LIMA1: variants seen among roughly 807,000 people sequenced by gnomAD.
LIMA1 encodes the protein LIM domain and actin-binding protein 1.
LIMA1 carries 52 observed loss-of-function variants against 62.6 expected under a neutral mutation model. The observed-to-expected ratio is 0.83, with a 90% CI of 0.67 to 1.05. The LOEUF (loss-of-function observed/expected upper bound fraction) is 1.05, where lower values mean the gene tolerates loss of function less well. LIMA1 is among the 50% of genes least tolerant of loss of function. The probability of loss-of-function intolerance (pLI) is 0.00; values close to 1 mark genes in which losing one functional copy is unlikely to be tolerated. For synonymous variants in LIMA1, 302 were observed against 317.8 expected, an observed-to-expected ratio of 0.95 and a Z score of 0.53; for missense variants, 780 against 902.2, an observed-to-expected ratio of 0.86 and a Z score of 1.74.
chr12:50,187,703 G>C (rs1254210973), intron 9 of LIMA1: 1 of 152,182 alleles, frequency 6.6e-6, no homozygotes, highest in Non-Finnish European at 1.5e-5. Context: ...GGTACCGAGA[G>C]GGGCAGTGCA....
chr12:50,194,296 T>C (rs771069198), intron 8 of LIMA1, among the ~76,000 whole-genome samples: 1 of 140,002 alleles, frequency 7.1e-6, no homozygotes, highest in Non-Finnish European at 1.5e-5. Flanking sequence ...GCCAGCAACA[T>C]ATATATATAT....
chr12:50,193,650 G>GTGTATATATA (rs1347784875), intron 8 of LIMA1, among the ~76,000 whole-genome samples: 4 of 64,316 alleles, frequency 6.2e-5, no homozygotes, highest in African/African-American at 2.5e-4. Context: ...GTGTGTGTGT[G>GTGTATATATA]TATATATATA....
At chr12:50,272,877 C>G (rs1163442760) in intron 1 of LIMA1, among the ~76,000 whole-genome samples, 1 of 151,314 alleles carries the variant, frequency 6.6e-6, no homozygotes, top group African/African-American at 2.4e-5. Flanking sequence ...GAAACCCCTT[C>G]TCTACTAAAA....
chr12:50,246,867 C>A lies in LIMA1; in HGVS notation c.119+1766G>T, dbSNP rs370656563. ...CTCCACAAGTCCATCCCTTCCACTACCAGTGCTTCTTAAACTTCCCTGAAG... is the reference window on the plus strand; with the variant it reads ...CTCCACAAGTCCATCCCTTCCACTAACAGTGCTTCTTAAACTTCCCTGAAG... On this transcript the variant is annotated intron_variant, in intron 2 of 10. Coordinates refer to ENST00000341247, the MANE Select transcript of LIMA1 (RefSeq NM_016357.5). Among the ~76,000 whole-genome samples the A allele has an allele frequency of 1.1e-3, 171 of 152,350 alleles. 1 individual carries two copies. The highest frequency in any genetic ancestry group is 2.3e-3 in the South Asian group (11 of 4,826).
chr12:50,197,376 CTT>C (rs764758575), intron 7 of LIMA1, among the ~76,000 whole-genome samples: 8 of 144,176 alleles, frequency 5.5e-5, no homozygotes, highest in Admixed American at 7.0e-5. Flanking sequence ...GGCACATGTC[CTT>C]TTTTTTTTTT....
intron 4 of LIMA1, among the ~76,000 whole-genome samples, chr12:50,214,666 T>TGTG (rs2138526293): frequency 6.6e-6 from 1 of 152,230 alleles, no homozygotes; most frequent in South Asian, 2.1e-4. Context: ...AATTAGCTGG[T>TGTG]GTGGTGGCAT....
In LIMA1 at chr12:50,182,048, CA is replaced by C. The variant is rs1565826931; in HGVS notation, c.1141-12del. 6.2e-7 allele frequency: 1 copy of C among 1,611,780 alleles called. No individual in the cohort carries two copies. Among genetic ancestry groups the C allele is most frequent in the Non-Finnish European group, 8.5e-7 (1 of 1,179,782 alleles). On this transcript the variant is annotated splice_polypyrimidine_tract_variant and intron_variant, in intron 9 of 10. Coordinates refer to ENST00000341247, the MANE Select transcript of LIMA1 (RefSeq NM_016357.5). ...AGGTGCCTGAAACTTCTAGGAAAAA[CA>C]AAAAGACAACTTTAGCATGGGCAGC...
chr12:50,233,505 A>G (rs1442936850), intron 2 of LIMA1, among the ~76,000 whole-genome samples: 1 of 152,190 alleles, frequency 6.6e-6, no homozygotes, highest in East Asian at 1.9e-4. Flanking sequence ...AACTCAGTTA[A>G]AAGTATTTGA....
chr12:50,264,585 C>G (rs1005157112), intron 1 of LIMA1, among the ~76,000 whole-genome samples: 10 of 152,138 alleles, frequency 6.6e-5, no homozygotes, highest in Middle Eastern at 3.2e-3. Context: ...ATGGCAACCT[C>G]TCTGTACTTT....
At chr12:50,262,862 G>T (rs1245653814) in intron 1 of LIMA1, among the ~76,000 whole-genome samples, 1 of 151,976 alleles carries the variant, frequency 6.6e-6, no homozygotes, top group Non-Finnish European at 1.5e-5. Context: ...TGTATTCTAA[G>T]AAAAATGGAA....
intron 1 of LIMA1, among the ~76,000 whole-genome samples, chr12:50,263,852 A>T (rs1942104033): frequency 1.0e-5 from 1 of 95,952 alleles, no homozygotes. Flanking sequence ...ATATATATAT[A>T]GAGAGTATAT....
rs566457356 is a variant in LIMA1 at position 50,201,562 on chromosome 12, A to G, written c.865-678T>C. The G allele has an allele frequency of 3.3e-4, 319 of 974,852 alleles. 7 individuals carry two copies. In the South Asian group the frequency reaches 0.013, roughly 41 times the overall value. 60.4% of individuals were successfully genotyped at this position (974,852 alleles called of 1,614,324 possible). On this transcript the variant is annotated intron_variant, in intron 6 of 10. Transcript: ENST00000341247. ...TTGCATTTTTTTCCTTGCAAAGGACACTGGGGTGAATATTACAATTAACTC... is the reference window on the plus strand; with the variant it reads ...TTGCATTTTTTTCCTTGCAAAGGACGCTGGGGTGAATATTACAATTAACTC...
At chr12:50,202,456 G>C (rs1312771195) in intron 6 of LIMA1, among the ~76,000 whole-genome samples, 1 of 152,092 alleles carries the variant, frequency 6.6e-6, no homozygotes, top group Non-Finnish European at 1.5e-5. Context: ...TTTACAGCAG[G>C]AGGGCACTGA....
intron 9 of LIMA1, chr12:50,185,962 T>A (rs1779550345): frequency 6.5e-6 from 1 of 153,678 alleles, no homozygotes; most frequent in Non-Finnish European, 1.4e-5. Context: ...TAAGGGCCCC[T>A]TCTAGTTTCA....
At chr12:50,234,400 G>A (rs1358296912) in intron 2 of LIMA1, among the ~76,000 whole-genome samples, 1 of 151,792 alleles carries the variant, frequency 6.6e-6, no homozygotes, top group Non-Finnish European at 1.5e-5. Context: ...GTAGAGACAG[G>A]GTTTCACCAT....
chr12:50,259,553 T>C (rs1039313876), intron 1 of LIMA1, among the ~76,000 whole-genome samples: 17 of 152,318 alleles, frequency 1.1e-4, no homozygotes, highest in African/African-American at 3.8e-4. Context: ...GAACTGTGAA[T>C]TACCCAGTAA....
intron 1 of LIMA1, among the ~76,000 whole-genome samples, chr12:50,266,171 T>C: frequency 6.6e-6 from 1 of 152,156 alleles, no homozygotes; most frequent in East Asian, 1.9e-4. Flanking sequence ...GAGCATAAAC[T>C]TTCTGTTATT....
chr12:50,208,327 T>C lies in LIMA1; in HGVS notation c.631-2259A>G, dbSNP rs1281399803. ...GGTGAAACCCCGTCTCTACTAAAAA[T>C]GCAAAAAAATTAGCCAGGCGTGGTG... On this transcript the variant is annotated intron_variant, in intron 4 of 10. Transcript: ENST00000341247. Among the ~76,000 whole-genome samples the C allele has an allele frequency of 5.3e-5, 8 of 152,094 alleles. No individual in the cohort carries two copies. In the East Asian group the frequency reaches 5.8e-4, roughly 11 times the overall value.
intron 1 of LIMA1, among the ~76,000 whole-genome samples, chr12:50,273,787 A>C (rs1482169584): frequency 2.6e-5 from 4 of 152,172 alleles, no homozygotes; most frequent in Non-Finnish European, 5.9e-5. Context: ...TTTTTTCTTG[A>C]AGATTCTAGA....
Sources: gnomAD v4.1 joint callset for allele counts (sites outside exome capture counted in the v4.1 genomes callset) on GRCh38, gnomAD v4.1.1 for gene constraint, MANE v1.5 for transcripts, NCBI Gene and HGNC (gene_info 2026-07-23, HGNC 2026-07-21) for gene names.